UBE3C: variants seen among roughly 807,000 people sequenced by gnomAD.
The protein encoded by UBE3C is ubiquitin-protein ligase E3C.
A neutral mutation model predicts 129.4 loss-of-function variants in UBE3C; 42 were observed. That is an observed-to-expected ratio of 0.32 (90% CI 0.25 to 0.42). The LOEUF is 0.42. Among genes scored for constraint, UBE3C ranks in the 10% least tolerant of loss-of-function variants. The probability of loss-of-function intolerance (pLI) is 1.00; values close to 1 mark genes in which losing one functional copy is unlikely to be tolerated. For missense variants in UBE3C, 1,049 were observed against 1,319.1 expected, an observed-to-expected ratio of 0.80 and a Z score of 3.17; for synonymous variants, 510 against 492.4, an observed-to-expected ratio of 1.04 and a Z score of -0.47.
intron 1 of UBE3C, among the ~76,000 whole-genome samples, chr7:157,142,103 T>C (rs1342858640): frequency 1.3e-5 from 2 of 152,222 alleles, no homozygotes; most frequent in East Asian, 3.8e-4. Context: ...TTCTTTGTGG[T>C]TTTAATTTTG....
At chr7:157,156,169 A>G (rs1807897068) in intron 1 of UBE3C, among the ~76,000 whole-genome samples, 1 of 151,958 alleles carries the variant, frequency 6.6e-6, no homozygotes, top group South Asian at 2.1e-4. Flanking sequence ...ACTTGTTCTC[A>G]TATTGCTTTG....
intron 14 of UBE3C, among the ~76,000 whole-genome samples, chr7:157,220,361 TAAC>T (rs1054963237): frequency 3.3e-5 from 5 of 152,332 alleles, no homozygotes; most frequent in Admixed American, 6.5e-5. Context: ...TTGATAATAA[TAAC>T]TTAATTTTTA....
intron 2 of UBE3C, 93 bp downstream of exon 2, chr7:157,163,956 G>A (rs1171568662): frequency 1.7e-6 from 2 of 1,163,052 alleles, no homozygotes; most frequent in Non-Finnish European, 2.5e-6. Context: ...ATGTGTGTAT[G>A]TATTTTTTAT....
At chr7:157,226,141 T>C (rs1161104038) in intron 17 of UBE3C, among the ~76,000 whole-genome samples, 3 of 152,240 alleles carry the variant, frequency 2.0e-5, no homozygotes, top group African/African-American at 7.2e-5. Flanking sequence ...AAAATCTCGA[T>C]GGTAGCCATT....
chr7:157,269,073 G>A lies in UBE3C; in HGVS notation c.*1318G>A, dbSNP rs1309164324. On this transcript the variant is annotated 3_prime_UTR_variant, in exon 23 of 23. Coordinates refer to ENST00000348165, the MANE Select transcript of UBE3C (RefSeq NM_014671.3). ...ACAATGAACATTATCAAAACAAAAT[G>A]TATAATTTCTTAATTTGAATAATAA... is the stretch of plus-strand genomic sequence containing the variant. The A allele has an allele frequency of 6.6e-6, 1 of 152,558 alleles. No individual in the cohort carries two copies. The highest frequency in any genetic ancestry group is 1.5e-5 in the Non-Finnish European group (1 of 68,020). The allele number at this position is 152,558 out of a possible 1,614,324, so 9.5% of individuals were successfully genotyped here.
chr7:157,241,601 G>A (rs58654062), intron 18 of UBE3C, among the ~76,000 whole-genome samples: 9,414 of 152,278 alleles, frequency 0.062, 711 homozygotes, highest in African/African-American at 0.18. Flanking sequence ...CTCATGCATT[G>A]CCAATGGGAA....
At chr7:157,175,127 C>A in intron 5 of UBE3C, 93 bp downstream of exon 5, 2 of 434,092 alleles carry the variant, frequency 4.6e-6, no homozygotes, top group Non-Finnish European at 6.5e-6. Flanking sequence ...GAGACAGTGG[C>A]TTTTCCATAC....
chr7:157,218,617 C>T (rs967098549), intron 14 of UBE3C, among the ~76,000 whole-genome samples: 4 of 152,182 alleles, frequency 2.6e-5, no homozygotes, highest in East Asian at 1.9e-4. Flanking sequence ...GGCAGATCCC[C>T]CAGCAGTGAA....
At chr7:157,179,418 G>A in intron 6 of UBE3C, among the ~76,000 whole-genome samples, 1 of 152,158 alleles carries the variant, frequency 6.6e-6, no homozygotes, top group Non-Finnish European at 1.5e-5. Context: ...TAAAATGACT[G>A]CATCGTAGAA....
intron 6 of UBE3C, among the ~76,000 whole-genome samples, chr7:157,181,021 C>CT (rs1808652509): frequency 6.6e-6 from 1 of 152,146 alleles, no homozygotes; most frequent in African/African-American, 2.4e-5. Context: ...ATGTTCAACT[C>CT]TATGAATTCA....
At chr7:157,240,255 A>G (rs976606597) in intron 18 of UBE3C, among the ~76,000 whole-genome samples, 7 of 152,078 alleles carry the variant, frequency 4.6e-5, no homozygotes, top group African/African-American at 1.2e-4. Flanking sequence ...GGGTTTCGCC[A>G]TGTTGGCCAG....
intron 22 of UBE3C, among the ~76,000 whole-genome samples, chr7:157,264,016 C>T (rs1162785884): frequency 6.6e-6 from 1 of 151,992 alleles, no homozygotes; most frequent in Non-Finnish European, 1.5e-5. Flanking sequence ...GAGTGATCTC[C>T]CACACCAGCC....
chr7:157,241,785 TA>T (rs2116662695), intron 18 of UBE3C, among the ~76,000 whole-genome samples: 1 of 152,272 alleles, frequency 6.6e-6, no homozygotes, highest in East Asian at 1.9e-4. Flanking sequence ...GACAAACGGG[TA>T]AACAGAATAC....
At position 157,174,970 on chromosome 7, in the gene UBE3C, T is replaced by A. The variant is rs149473604; in HGVS notation, c.394T>A (p.Leu132Met). The part of the protein sequence containing the change: ...IKHSSLFVKQ[L>M]DGSERLTCLF... ...ACACAGCTCTCTGTTTGTCAAGCAG[T>A]TGGATGGATCTGAGAGACTTACATG... Residue 132 changes from leucine to methionine, a missense_variant, in exon 5 of 23, where the codon TTG becomes ATG. Physicochemically the swap from Leu to Met is conservative, Grantham distance 15. Transcript: ENST00000348165. The A allele has an allele frequency of 4.0e-4, 642 of 1,612,904 alleles. No homozygotes were observed. Among genetic ancestry groups the A allele is most frequent in the Non-Finnish European group, 5.2e-4 (610 of 1,179,646 alleles).
chr7:157,242,511 G>GTTA (rs754697865), intron 18 of UBE3C, among the ~76,000 whole-genome samples: 1 of 7,902 alleles, frequency 1.3e-4, no homozygotes, highest in Non-Finnish European at 2.5e-4. Flanking sequence ...CTGAGCCTGA[G>GTTA]TTGTTTTTTT....
chr7:157,175,344 C>T (rs1463872708), intron 5 of UBE3C, among the ~76,000 whole-genome samples: 1 of 152,078 alleles, frequency 6.6e-6, no homozygotes, highest in Non-Finnish European at 1.5e-5. Flanking sequence ...CAAAAGAGGA[C>T]TCCTGATGTG....
At chr7:157,243,488 T>C (rs1370259140) in intron 18 of UBE3C, among the ~76,000 whole-genome samples, 1 of 152,068 alleles carries the variant, frequency 6.6e-6, no homozygotes, top group Non-Finnish European at 1.5e-5. Context: ...GAATGAGGAG[T>C]GAGTTCACCT....
At chr7:157,188,636 G>C (rs1808872435) in intron 10 of UBE3C, among the ~76,000 whole-genome samples, 2 of 152,202 alleles carry the variant, frequency 1.3e-5, no homozygotes, top group South Asian at 4.1e-4. Context: ...GTGTTTAATG[G>C]GTGAAGGAAC....
At chr7:157,202,588 C>T (rs1487026237) in intron 11 of UBE3C, among the ~76,000 whole-genome samples, 2 of 151,998 alleles carry the variant, frequency 1.3e-5, no homozygotes, top group Non-Finnish European at 2.9e-5. Flanking sequence ...ACCTGGAAGG[C>T]GGAGGTTGCA....
Sources: gnomAD v4.1 joint callset for allele counts (sites outside exome capture counted in the v4.1 genomes callset) on GRCh38, gnomAD v4.1.1 for gene constraint, MANE v1.5 for transcripts, NCBI Gene and HGNC (gene_info 2026-07-23, HGNC 2026-07-21) for gene names.